GLMN: variants seen among roughly 807,000 people sequenced by gnomAD.
The protein encoded by GLMN is glomulin, FKBP associated protein, also known as glomulin.
GLMN carries 75 observed loss-of-function variants against 87.8 expected under a neutral mutation model. The observed-to-expected ratio is 0.85, with a 90% CI of 0.71 to 1.04. GLMN has a LOEUF of 1.04. GLMN is among the 50% of genes least tolerant of loss of function. The probability of loss-of-function intolerance (pLI) is 0.00; values close to 1 mark genes in which losing one functional copy is unlikely to be tolerated. For synonymous variants in GLMN, 206 were observed against 221.6 expected (o/e 0.93, Z 0.63); for missense variants, 588 against 658.8 (o/e 0.89, Z 1.18).
Position 92,246,563 on chromosome 1 carries a change from CTTTGTT to C in GLMN, c.1746_1751del (p.Thr583_Lys584del). ...TCCCAATATTTTCTTCAGAGGTAGA[CTTTGTT>C]TTTATTTCAATGAGTTCTTCCACTC... On this transcript the variant is annotated inframe_deletion, in exon 19 of 19. Coordinates refer to ENST00000370360, the MANE Select transcript of GLMN (RefSeq NM_053274.3). The C allele has an allele frequency of 1.3e-6, 2 of 1,540,394 alleles. No homozygotes were observed. Among genetic ancestry groups the C allele is most frequent in the Non-Finnish European group, 1.8e-6 (2 of 1,112,740 alleles).
intron 16 of GLMN, among the ~76,000 whole-genome samples, chr1:92,256,506 TA>T (rs1654277349): frequency 6.6e-6 from 1 of 152,192 alleles, no homozygotes; most frequent in African/African-American, 2.4e-5. Flanking sequence ...AAATCCTTAA[TA>T]AAATACTGGC....
At chr1:92,294,103 T>G (rs543847913) in intron 3 of GLMN, among the ~76,000 whole-genome samples, 474 of 152,312 alleles carry the variant, frequency 3.1e-3, no homozygotes, top group Middle Eastern at 6.8e-3. Flanking sequence ...TAAATGAGTA[T>G]AATTGGTTTG....
rs768238010 is a variant in GLMN, at chr1:92,247,870, T to G, written c.1585+8A>C. 2 of 1,007,154 alleles carry G rather than the reference T, an allele frequency of 2.0e-6. No individual in the cohort carries two copies. The highest frequency in any genetic ancestry group is 2.5e-5 in the South Asian group (2 of 79,040). 62.4% of individuals were successfully genotyped at this position (1,007,154 alleles called of 1,614,324 possible). ...ACCTAATTGAAAACAAAATTGCACA[T>G]TACCAACCTTGGCTATTTTTAATTT... On this transcript the variant is annotated splice_region_variant and intron_variant, in intron 17 of 18. Coordinates refer to ENST00000370360, the MANE Select transcript of GLMN (RefSeq NM_053274.3).
the GLMN span, among the ~76,000 whole-genome samples, chr1:92,360,329 G>C: frequency 6.6e-6 from 1 of 152,236 alleles, no homozygotes; most frequent in African/African-American, 2.4e-5. Flanking sequence ...AGTTTCTACA[G>C]AATGATAGGA....
the GLMN span, among the ~76,000 whole-genome samples, chr1:92,358,911 AC>A: frequency 1.5e-4 from 23 of 152,246 alleles, 1 homozygote; most frequent in South Asian, 2.9e-3. Flanking sequence ...TTTAAAAAAA[AC>A]AAAACAGAAA....
At position 92,246,601 on chromosome 1, in the gene GLMN, G is replaced by C. The variant is rs866304438; in HGVS notation, c.1714C>G (p.Leu572Val). ...TCAATGAGTTCTTCCACTCGAGCTA[G>C]AACACTTTCAATCAAATCAAATGTG... Reference protein sequence around the residue: ...LFTFDLIESVLARVEELIEIK... With the variant: ...LFTFDLIESVVARVEELIEIK... Residue 572 changes from leucine to valine, a missense_variant, in exon 19 of 19, where the codon CTA becomes GTA. Coordinates refer to ENST00000370360, the MANE Select transcript of GLMN (RefSeq NM_053274.3). The C allele has an allele frequency of 8.1e-6, 13 of 1,598,334 alleles. No individual in the cohort carries two copies. The highest frequency in any genetic ancestry group is 3.3e-4 in the Middle Eastern group (2 of 6,018).
the GLMN span, chr1:92,324,194 A>C: frequency 1.2e-6 from 2 of 1,614,170 alleles, no homozygotes; most frequent in Non-Finnish European, 1.7e-6. Flanking sequence ...GCCTGGAGGG[A>C]ATCTCAGAAC....
At position 92,247,506 on chromosome 1, in the gene GLMN, A is replaced by G. The variant is rs563763971; in HGVS notation, c.1586-362T>C. Among the ~76,000 whole-genome samples, 170 of 152,334 alleles carry G rather than the reference A, an allele frequency of 1.1e-3. 1 individual carries two copies. The highest frequency in any genetic ancestry group is 2.3e-3 in the Admixed American group (35 of 15,300). ...ACGGAAGAGATCACACGATTATTAT[A>G]GAATTATTGACTTAAAAAAATTCTG... On this transcript the variant is annotated intron_variant, in intron 17 of 18. Transcript: ENST00000370360.
the GLMN span, among the ~76,000 whole-genome samples, chr1:92,305,162 C>T: frequency 2.7e-5 from 4 of 149,802 alleles, no homozygotes; most frequent in East Asian, 2.0e-4. Flanking sequence ...ACCGGGCGCC[C>T]TGGCTCAAGC....
chr1:92,277,045 A>G (rs1213838062), intron 7 of GLMN, among the ~76,000 whole-genome samples: 1 of 152,172 alleles, frequency 6.6e-6, no homozygotes, highest in Non-Finnish European at 1.5e-5. Flanking sequence ...ACCCTCATCC[A>G]TGTTTTATTC....
chr1:92,357,640 T>C, the GLMN span, among the ~76,000 whole-genome samples: 3 of 152,242 alleles, frequency 2.0e-5, no homozygotes, highest in South Asian at 6.2e-4. Flanking sequence ...CAAGTGATTC[T>C]TGTGCCTCAT....
chr1:92,264,114 A>G (rs563019296), intron 14 of GLMN, among the ~76,000 whole-genome samples: 27 of 152,254 alleles, frequency 1.8e-4, no homozygotes, highest in African/African-American at 6.3e-4. Flanking sequence ...TCAGGAGTTC[A>G]AGACGAGCCT....
At chr1:92,323,042 CTTTATA>C in the GLMN span, among the ~76,000 whole-genome samples, 390 of 142,518 alleles carry the variant, frequency 2.7e-3, 2 homozygotes, top group South Asian at 9.3e-3. Context: ...ATTTATATAT[CTTTATA>C]TTTATATATA....
At chr1:92,300,456 T>G (rs567094156), upstream of GLMN, among the ~76,000 whole-genome samples, 2 of 152,200 alleles carry the variant, frequency 1.3e-5, no homozygotes, top group Non-Finnish European at 2.9e-5. Context: ...AGACTGCTAG[T>G]GAAGGAATGA....
intron 17 of GLMN, among the ~76,000 whole-genome samples, chr1:92,247,563 TTTAC>T (rs1256387914): frequency 6.6e-6 from 1 of 152,172 alleles, no homozygotes; most frequent in Non-Finnish European, 1.5e-5. Context: ...TTTGTATGGA[TTTAC>T]TTGAGAGTGA....
the GLMN span, among the ~76,000 whole-genome samples, chr1:92,313,027 G>A: frequency 3.3e-5 from 5 of 152,128 alleles, no homozygotes; most frequent in South Asian, 2.1e-4. Context: ...CACCACACCC[G>A]GCTTATTTTT....
At chr1:92,292,837 G>A (rs1018483630) in intron 3 of GLMN, among the ~76,000 whole-genome samples, 2 of 151,010 alleles carry the variant, frequency 1.3e-5, no homozygotes, top group Non-Finnish European at 3.0e-5. Flanking sequence ...AGACCAGCCT[G>A]GGCAACACGG....
At chr1:92,295,080 CAT>C (rs1367838529) in intron 3 of GLMN, among the ~76,000 whole-genome samples, 1 of 152,242 alleles carries the variant, frequency 6.6e-6, no homozygotes, top group African/African-American at 2.4e-5. Context: ...CTAAGCCTCA[CAT>C]GTTTAAATCT....
At chr1:92,262,006 C>A (rs1655114173) in intron 16 of GLMN, among the ~76,000 whole-genome samples, 1 of 152,024 alleles carries the variant, frequency 6.6e-6, no homozygotes, top group Non-Finnish European at 1.5e-5. Context: ...AAGCACTAGT[C>A]AATGATGGCA....
Sources: allele counts gnomAD v4.1 joint callset (sites outside exome capture counted in the v4.1 genomes callset), GRCh38; gene constraint gnomAD v4.1.1; transcripts MANE v1.5; gene names NCBI Gene and HGNC (gene_info 2026-07-23, HGNC 2026-07-21).